The following GALNT10 variants were observed in gnomAD, a reference collection of about 807,000 sequenced individuals.
The protein encoded by GALNT10 is polypeptide N-acetylgalactosaminyltransferase 10.
A neutral mutation model predicts 75.0 loss-of-function variants in GALNT10; 41 were observed. The ratio of observed to expected loss-of-function variants is 0.55; its 90% CI spans 0.43 to 0.71. The LOEUF (loss-of-function observed/expected upper bound fraction) is 0.71, where lower values mean the gene tolerates loss of function less well. Ranked by LOEUF, GALNT10 falls within the 30% of genes least tolerant of loss-of-function variation. The pLI is 0.00. For missense variants in GALNT10, 727 were observed against 818.5 expected, an observed-to-expected ratio of 0.89 and a Z score of 1.36; for synonymous variants, 302 against 313.0, an observed-to-expected ratio of 0.96 and a Z score of 0.37.
At chr5:154,228,654 G>A (rs1168282935) in intron 1 of GALNT10, among the ~76,000 whole-genome samples, 1 of 152,208 alleles carries the variant, frequency 6.6e-6, no homozygotes, top group Non-Finnish European at 1.5e-5. Context: ...GAATTGGGGG[G>A]TTTATTTCTC....
intron 3 of GALNT10, among the ~76,000 whole-genome samples, chr5:154,301,387 TTTTTAA>T (rs1754355027): frequency 6.6e-6 from 1 of 152,128 alleles, no homozygotes; most frequent in African/African-American, 2.4e-5. Context: ...AGATATTTAC[TTTTTAA>T]TTTTAATTAT....
In GALNT10 at chr5:154,335,844, A is replaced by C. The variant is rs1467072125; in HGVS notation, c.568+6106A>C. Among the ~76,000 whole-genome samples the C allele has an allele frequency of 2.6e-5, 4 of 152,284 alleles. No homozygotes were observed. In the East Asian group the frequency reaches 7.7e-4, roughly 29 times the overall value. On this transcript the variant is annotated intron_variant, in intron 4 of 11. Coordinates refer to ENST00000297107, the MANE Select transcript of GALNT10 (RefSeq NM_198321.4). ...AATACATCACTTTCTCCTAAAATCC[A>C]TAGTTTATATTAGGGTTCACTCTGG...
At chr5:154,350,803 C>A (rs1236174164) in intron 4 of GALNT10, among the ~76,000 whole-genome samples, 2 of 152,166 alleles carry the variant, frequency 1.3e-5, no homozygotes, top group Non-Finnish European at 2.9e-5. Flanking sequence ...AAAAAGGAGA[C>A]CAAGTAAGTA....
chr5:154,227,365 A>G (rs1753078856), intron 1 of GALNT10, among the ~76,000 whole-genome samples: 1 of 152,204 alleles, frequency 6.6e-6, no homozygotes, highest in South Asian at 2.1e-4. Context: ...ATGTGGTGAT[A>G]TCTTAACGTG....
At chr5:154,283,687 A>G (rs1157844784) in intron 1 of GALNT10, among the ~76,000 whole-genome samples, 1 of 152,180 alleles carries the variant, frequency 6.6e-6, no homozygotes, top group Admixed American at 6.5e-5. Context: ...GAAGGAGTCC[A>G]AAGAGGAGGG....
chr5:154,201,834 T>C (rs1775032292), intron 1 of GALNT10, among the ~76,000 whole-genome samples: 2 of 151,538 alleles, frequency 1.3e-5, no homozygotes, highest in South Asian at 4.2e-4. Context: ...CAGGCTGAGG[T>C]AGGAGAATCA....
At chr5:154,251,796 G>T (rs1753527262) in intron 1 of GALNT10, among the ~76,000 whole-genome samples, 1 of 152,076 alleles carries the variant, frequency 6.6e-6, no homozygotes, top group Non-Finnish European at 1.5e-5. Flanking sequence ...TCTTTTAGAG[G>T]GAAATGGTAT....
intron 1 of GALNT10, among the ~76,000 whole-genome samples, chr5:154,230,410 G>A (rs116133784): frequency 0.029 from 4,388 of 152,282 alleles, 80 homozygotes; most frequent in Middle Eastern, 0.13. Flanking sequence ...GGGCCTGCCT[G>A]TAGAAGCCCT....
intron 1 of GALNT10, among the ~76,000 whole-genome samples, chr5:154,250,802 T>C (rs1753506474): frequency 6.6e-6 from 1 of 152,168 alleles, no homozygotes; most frequent in Non-Finnish European, 1.5e-5. Flanking sequence ...TGCCCTGACT[T>C]CTTAGTTTTT....
At chr5:154,221,028 G>C (rs565488696) in intron 1 of GALNT10, among the ~76,000 whole-genome samples, 1 of 152,298 alleles carries the variant, frequency 6.6e-6, no homozygotes, top group African/African-American at 2.4e-5. Flanking sequence ...CTGCCAGTTT[G>C]ACCCCTCTGT....
chr5:154,283,056 T>C (rs1407703554), intron 1 of GALNT10, among the ~76,000 whole-genome samples: 1 of 152,086 alleles, frequency 6.6e-6, no homozygotes, highest in Admixed American at 6.5e-5. Flanking sequence ...CATAGCAGTT[T>C]GCTGTGGTCT....
At chr5:154,236,117 G>T (rs899686615) in intron 1 of GALNT10, among the ~76,000 whole-genome samples, 2 of 152,092 alleles carry the variant, frequency 1.3e-5, no homozygotes, top group African/African-American at 2.4e-5. Flanking sequence ...CTAGCAGAGG[G>T]AGTCAAAACC....
intron 1 of GALNT10, among the ~76,000 whole-genome samples, chr5:154,267,582 T>G (rs1753797970): frequency 6.6e-6 from 1 of 152,236 alleles, no homozygotes; most frequent in East Asian, 1.9e-4. Flanking sequence ...TTAAGGCCTC[T>G]GGGTTCAATT....
At chr5:154,337,561 C>G in intron 4 of GALNT10, 3 of 765,040 alleles carry the variant, frequency 3.9e-6, no homozygotes, top group Non-Finnish European at 7.1e-6. Flanking sequence ...CCTCCATCAC[C>G]ATAGAGGCCA....
intron 7 of GALNT10, 69 bp downstream of exon 7, chr5:154,386,499 A>C: frequency 1.4e-5 from 14 of 988,890 alleles, no homozygotes; most frequent in Non-Finnish European, 2.1e-5. Context: ...TAGGTGTCTC[A>C]GCTTCTGCCT....
At chr5:154,368,085 TG>T (rs1171446572) in intron 4 of GALNT10, among the ~76,000 whole-genome samples, 1 of 152,168 alleles carries the variant, frequency 6.6e-6, no homozygotes, top group African/African-American at 2.4e-5. Flanking sequence ...AGGGAAGGCT[TG>T]TTAAAATCCG....
At chr5:154,415,977 T>C in intron 11 of GALNT10, 45 bp downstream of exon 11, 1 of 1,587,400 alleles carries the variant, frequency 6.3e-7, no homozygotes, top group Non-Finnish European at 8.6e-7. Flanking sequence ...TTAATTTTTT[T>C]TTAAGGCAAT....
At chr5:154,262,602 C>T (rs1753715509) in intron 1 of GALNT10, among the ~76,000 whole-genome samples, 1 of 152,182 alleles carries the variant, frequency 6.6e-6, no homozygotes, top group Non-Finnish European at 1.5e-5. Context: ...TGCTGTCCTT[C>T]CCCTGAGCCT....
chr5:154,364,021 T>G (rs1224525817), intron 4 of GALNT10, among the ~76,000 whole-genome samples: 8 of 152,174 alleles, frequency 5.3e-5, no homozygotes, highest in Admixed American at 5.2e-4. Context: ...CTCAAGAAGC[T>G]TGTGCCAAGC....
Sources: gnomAD v4.1 joint callset for allele counts (sites outside exome capture counted in the v4.1 genomes callset) on GRCh38, gnomAD v4.1.1 for gene constraint, MANE v1.5 for transcripts, NCBI Gene and HGNC (gene_info 2026-07-23, HGNC 2026-07-21) for gene names.